Variants in FLNB observed in about 807,000 individuals in gnomAD.
The protein encoded by FLNB is filamin-B.
Under a neutral mutation model 250.6 loss-of-function variants are expected in FLNB, and 111 were observed. The ratio of observed to expected loss-of-function variants is 0.44; its 90% CI spans 0.38 to 0.52. The LOEUF is 0.52. Among genes scored for constraint, FLNB ranks in the 20% least tolerant of loss-of-function variants. The pLI, the probability that FLNB is intolerant of heterozygous loss-of-function variation, is 0.00. For missense variants in FLNB, 2,869 were observed against 3,447.8 expected (o/e 0.83, Z 4.20); for synonymous variants, 1,302 against 1,372.1 (o/e 0.95, Z 1.13).
At chr3:58,009,688 T>G (rs989980136) in intron 1 of FLNB, among the ~76,000 whole-genome samples, 9 of 152,112 alleles carry the variant, frequency 5.9e-5, no homozygotes, top group Non-Finnish European at 1.0e-4. Flanking sequence ...GAGGGTTAAT[T>G]GACCTGTCCA....
chr3:58,118,551 T>C (rs1330081737), intron 18 of FLNB, among the ~76,000 whole-genome samples: 1 of 152,170 alleles, frequency 6.6e-6, no homozygotes, highest in Non-Finnish European at 1.5e-5. Context: ...AAAAATGAGA[T>C]GACAGTAGGA....
At chr3:58,010,342 G>A (rs1207239302) in intron 1 of FLNB, among the ~76,000 whole-genome samples, 1 of 152,176 alleles carries the variant, frequency 6.6e-6, no homozygotes, top group Non-Finnish European at 1.5e-5. Context: ...CCTCCCCTGG[G>A]CCTTAGGGCC....
At position 58,092,595 on chromosome 3, in the gene FLNB, G is replaced by GT. The variant is rs372146001; in HGVS notation, c.788-2240dup. On this transcript the variant is annotated intron_variant, in intron 4 of 45. Transcript: ENST00000295956. ...TGGGAGGTCGAGGTTGCAGTGAGCC[G>GT]TAATTGTGCCACTGTGCTCCAGCCT... 3.2e-3 allele frequency among the ~76,000 whole-genome samples: 483 copies of GT among 152,254 alleles called. 4 individuals carry two copies. The highest frequency in any genetic ancestry group is 0.011 in the African/African-American group (450 of 41,542).
chr3:58,093,365 C>T (rs897147497), intron 4 of FLNB, among the ~76,000 whole-genome samples: 1 of 152,150 alleles, frequency 6.6e-6, no homozygotes, highest in African/African-American at 2.4e-5. Flanking sequence ...GGCTAAGTCA[C>T]GTAGGCGTGA....
chr3:58,084,506 A>G (rs1198411658), intron 4 of FLNB, among the ~76,000 whole-genome samples: 3 of 152,130 alleles, frequency 2.0e-5, no homozygotes, highest in Non-Finnish European at 4.4e-5. Context: ...CATTTCCTTC[A>G]TCTGCCTCTT....
chr3:58,140,635 A>G (rs2097325319), intron 29 of FLNB, among the ~76,000 whole-genome samples: 1 of 151,984 alleles, frequency 6.6e-6, no homozygotes. Context: ...TTGAGACAGA[A>G]TCTCACTCTG....
intron 42 of FLNB, among the ~76,000 whole-genome samples, chr3:58,160,338 A>C (rs2097359401): frequency 6.6e-6 from 1 of 152,188 alleles, no homozygotes; most frequent in South Asian, 2.1e-4. Context: ...GGTATATGGA[A>C]TTCTCTGATT....
chr3:58,045,390 T>C (rs960429605), intron 1 of FLNB, among the ~76,000 whole-genome samples: 1 of 152,224 alleles, frequency 6.6e-6, no homozygotes. Flanking sequence ...GACTGCAGGC[T>C]GTAGGCAGCC....
At chr3:58,125,333 A>G (rs1347290345) in intron 22 of FLNB, among the ~76,000 whole-genome samples, 2 of 151,958 alleles carry the variant, frequency 1.3e-5, no homozygotes, top group Non-Finnish European at 2.9e-5. Context: ...GGGTCTCGCC[A>G]TGTTGCCCAG....
intron 1 of FLNB, among the ~76,000 whole-genome samples, chr3:58,064,419 CCTAAAGTG>C (rs2097182611): frequency 6.6e-6 from 1 of 152,018 alleles, no homozygotes; most frequent in Admixed American, 6.6e-5. Context: ...GCCTTGGCCT[CCTAAAGTG>C]CTGGCATTAT....
At chr3:58,150,675 A>G (rs1043679505) in intron 38 of FLNB, 1 of 240,558 alleles carries the variant, frequency 4.2e-6, no homozygotes, top group Non-Finnish European at 8.2e-6. Context: ...GCTGGGCCAC[A>G]TCTAGCCCTT....
intron 4 of FLNB, among the ~76,000 whole-genome samples, chr3:58,086,042 G>A (rs557917129): frequency 1.7e-4 from 26 of 152,186 alleles, no homozygotes; most frequent in African/African-American, 6.3e-4. Flanking sequence ...CTCTCTGTGT[G>A]TGGAGTGTCG....
chr3:58,067,981 G>T (rs1281592104), intron 1 of FLNB, among the ~76,000 whole-genome samples: 1 of 152,220 alleles, frequency 6.6e-6, no homozygotes, highest in Admixed American at 6.5e-5. Flanking sequence ...TGGGACCCAG[G>T]TTCCTTCCCT....
intron 13 of FLNB, among the ~76,000 whole-genome samples, chr3:58,108,810 G>T (rs1015761341): frequency 6.6e-6 from 1 of 152,180 alleles, no homozygotes; most frequent in Non-Finnish European, 1.5e-5. Flanking sequence ...TTTGTTTCAG[G>T]TTATTCTATA....
At chr3:58,108,620 C>T (rs1295906863) in intron 13 of FLNB, 49 bp downstream of exon 13, 2 of 1,204,652 alleles carry the variant, frequency 1.7e-6, no homozygotes, top group Admixed American at 3.4e-5. Context: ...GTAACAAGAT[C>T]TGACCACGTA....
intron 24 of FLNB, among the ~76,000 whole-genome samples, chr3:58,130,424 T>C (rs940000113): frequency 6.6e-6 from 1 of 152,144 alleles, no homozygotes; most frequent in African/African-American, 2.4e-5. Context: ...GTGCTCCACC[T>C]TCCACACCCC....
chr3:58,170,897 C>T lies in FLNB; in HGVS notation c.*135C>T. 1 of 801,318 alleles carries T rather than the reference C, an allele frequency of 1.2e-6. No homozygotes were observed. The allele number at this position is 801,318 out of a possible 1,614,324, so 49.6% of individuals were successfully genotyped here. A position where few individuals can be genotyped will look rare whatever the true frequency, so the allele number is the denominator to read the frequency against. On this transcript the variant is annotated 3_prime_UTR_variant, in exon 46 of 46. Coordinates refer to ENST00000295956, the MANE Select transcript of FLNB (RefSeq NM_001457.4). ...CCTAAAATATTGCTGTTGTAAAATGCCTTCAGAAATAAGTCCTAGACTGGA... is the reference window on the plus strand; with the variant it reads ...CCTAAAATATTGCTGTTGTAAAATGTCTTCAGAAATAAGTCCTAGACTGGA...
intron 4 of FLNB, among the ~76,000 whole-genome samples, chr3:58,088,116 G>A (rs1286151652): frequency 3.0e-5 from 4 of 131,582 alleles, no homozygotes; most frequent in Admixed American, 8.7e-5. Flanking sequence ...ATCTTGGCTC[G>A]CTGCAACCCC....
chr3:58,153,311 C>T (rs1208094299), intron 38 of FLNB, 64 bp from the exon 39 acceptor site: 19 of 1,592,760 alleles, frequency 1.2e-5, no homozygotes, highest in African/African-American at 2.7e-5. Context: ...CCCTGCATGT[C>T]CTGCCCTGTC....
Sources: allele counts gnomAD v4.1 joint callset (sites outside exome capture counted in the v4.1 genomes callset), GRCh38; gene constraint gnomAD v4.1.1; transcripts MANE v1.5; gene names NCBI Gene and HGNC (gene_info 2026-07-23, HGNC 2026-07-21).